SPTLC2: variants seen among roughly 807,000 people sequenced by gnomAD.
SPTLC2 encodes the protein serine palmitoyltransferase long chain base subunit 2.
SPTLC2 carries 21 observed loss-of-function variants against 62.0 expected under a neutral mutation model. That is an observed-to-expected ratio of 0.34 (90% CI 0.24 to 0.49). The LOEUF is 0.49. SPTLC2 is among the 20% of genes least tolerant of loss of function. The pLI is 0.99. For synonymous variants in SPTLC2, 261 were observed against 261.8 expected (o/e 1.00, Z 0.03); for missense variants, 511 against 713.0 (o/e 0.72, Z 3.23).
chr14:77,540,384 C>A (rs141917105), intron 9 of SPTLC2, among the ~76,000 whole-genome samples: 58 of 152,208 alleles, frequency 3.8e-4, no homozygotes, highest in African/African-American at 1.3e-3. Flanking sequence ...TGTGCATATG[C>A]AGGAAGAGGA....
At chr14:77,517,162 G>C (rs1275648296) in intron 11 of SPTLC2, among the ~76,000 whole-genome samples, 3 of 152,138 alleles carry the variant, frequency 2.0e-5, no homozygotes. Flanking sequence ...AGAATTGCTT[G>C]AACCCAGGAG....
intron 2 of SPTLC2, among the ~76,000 whole-genome samples, chr14:77,584,049 A>C (rs2079768125): frequency 6.6e-6 from 1 of 152,232 alleles, no homozygotes; most frequent in African/African-American, 2.4e-5. Flanking sequence ...AGAACAACTC[A>C]AACTCTTGGA....
At position 77,597,258 on chromosome 14, in the gene SPTLC2, T is replaced by A. The variant is rs771876630; in HGVS notation, c.255A>T (p.Gly85=). Residue 85 remains glycine (G), a synonymous_variant, in exon 2 of 12, where the codon GGA becomes GGT. Coordinates refer to ENST00000216484, the MANE Select transcript of SPTLC2 (RefSeq NM_004863.4). Reference sequence around the variant, plus strand: ...AATACCTCAAGAAATCTCGAAGATATCCAAAGAGGGTGAGTACGCCATACC... The same window carrying A: ...AATACCTCAAGAAATCTCGAAGATAACCAAAGAGGGTGAGTACGCCATACC... ...YVGYGVLTLF[G]YLRDFLRYWR... is the part of the protein sequence containing the mutation. 7 of 1,614,034 alleles carry A rather than the reference T, an allele frequency of 4.3e-6. No homozygotes were observed. Among genetic ancestry groups the A allele is most frequent in the African/African-American group, 1.3e-5 (1 of 74,900 alleles).
At chr14:77,516,232 TC>T (rs1392631415) in intron 11 of SPTLC2, among the ~76,000 whole-genome samples, 1 of 152,154 alleles carries the variant, frequency 6.6e-6, no homozygotes, top group African/African-American at 2.4e-5. Flanking sequence ...CAACAATCCC[TC>T]AAGAGAATCT....
chr14:77,611,736 G>C (rs2079939005), intron 1 of SPTLC2, among the ~76,000 whole-genome samples: 1 of 151,706 alleles, frequency 6.6e-6, no homozygotes, highest in South Asian at 2.1e-4. Flanking sequence ...TGAGGCTGGA[G>C]AATCGCTTGA....
Position 77,597,181 on chromosome 14 carries a change from G to C in SPTLC2, c.327+5C>G, listed in dbSNP as rs1385358452. ...TTACAGAATCAAAAACTCTCTAACA[G>C]TTACCTTTTGTTCTTCTCTTTCTGT... On this transcript the variant is annotated splice_donor_5th_base_variant and intron_variant, in intron 2 of 11. Transcript: ENST00000216484. 9.3e-6 allele frequency: 15 copies of C among 1,613,748 alleles called. No individual in the cohort carries two copies. The highest frequency in any genetic ancestry group is 1.2e-5 in the Non-Finnish European group (14 of 1,179,778).
chr14:77,564,071 G>A (rs567893921), intron 5 of SPTLC2, among the ~76,000 whole-genome samples: 113 of 151,874 alleles, frequency 7.4e-4, no homozygotes, highest in African/African-American at 2.6e-3. Flanking sequence ...GGCCAACATG[G>A]CAAAACCCCA....
At chr14:77,526,517 T>C (rs1215930585) in intron 9 of SPTLC2, among the ~76,000 whole-genome samples, 2 of 152,212 alleles carry the variant, frequency 1.3e-5, no homozygotes, top group Non-Finnish European at 2.9e-5. Context: ...TACTGACTCT[T>C]GAATTTTACA....
At chr14:77,605,790 A>C (rs1332665541) in intron 1 of SPTLC2, among the ~76,000 whole-genome samples, 1 of 152,232 alleles carries the variant, frequency 6.6e-6, no homozygotes, top group Non-Finnish European at 1.5e-5. Context: ...TAGAAAACCA[A>C]AGTGAAATTA....
At chr14:77,596,871 CCA>C (rs768554301) in intron 2 of SPTLC2, among the ~76,000 whole-genome samples, 1 of 152,216 alleles carries the variant, frequency 6.6e-6, no homozygotes, top group Non-Finnish European at 1.5e-5. Flanking sequence ...AGTCCTCTGT[CCA>C]CACAGCAGCT....
At chr14:77,541,370 T>C (rs889894091) in intron 9 of SPTLC2, among the ~76,000 whole-genome samples, 3 of 152,160 alleles carry the variant, frequency 2.0e-5, no homozygotes, top group Non-Finnish European at 2.9e-5. Flanking sequence ...AACAAACTAA[T>C]TCTTACCAAA....
At chr14:77,571,285 C>T (rs2079681010) in intron 4 of SPTLC2, among the ~76,000 whole-genome samples, 1 of 152,012 alleles carries the variant, frequency 6.6e-6, no homozygotes, top group Non-Finnish European at 1.5e-5. Flanking sequence ...CCAAGGAGGG[C>T]GGATCACCTA....
chr14:77,532,028 T>A (rs571026550), intron 9 of SPTLC2, among the ~76,000 whole-genome samples: 1 of 152,338 alleles, frequency 6.6e-6, no homozygotes, highest in Non-Finnish European at 1.5e-5. Flanking sequence ...TACAGCCAAC[T>A]ATTATTTAAT....
intron 9 of SPTLC2, among the ~76,000 whole-genome samples, chr14:77,548,046 CTT>C (rs1351905856): frequency 6.6e-6 from 1 of 152,078 alleles, no homozygotes; most frequent in Non-Finnish European, 1.5e-5. Context: ...TCAGGGTAGT[CTT>C]TTTTCTCCTA....
At chr14:77,528,978 G>A (rs375967008) in intron 9 of SPTLC2, among the ~76,000 whole-genome samples, 1 of 152,170 alleles carries the variant, frequency 6.6e-6, no homozygotes, top group African/African-American at 2.4e-5. Context: ...TGAGCTTACA[G>A]GCGCCCGCCA....
At chr14:77,539,749 C>A (rs1362099663) in intron 9 of SPTLC2, among the ~76,000 whole-genome samples, 1 of 151,946 alleles carries the variant, frequency 6.6e-6, no homozygotes, top group East Asian at 1.9e-4. Context: ...CTTGGCCTTC[C>A]AAAGTGCTGG....
At chr14:77,616,028 G>C (rs1239585342) in intron 1 of SPTLC2, among the ~76,000 whole-genome samples, 1 of 152,204 alleles carries the variant, frequency 6.6e-6, no homozygotes, top group Non-Finnish European at 1.5e-5. Flanking sequence ...CCCATGGGTG[G>C]TTTTCTTTGG....
rs2079323060 is a variant in SPTLC2, at chr14:77,509,757, A to C, written c.*2527T>G. 2.5e-6 allele frequency: 1 copy of C among 396,812 alleles called. No individual in the cohort carries two copies. Among genetic ancestry groups the C allele is most frequent in the Admixed American group, 4.4e-5 (1 of 22,694 alleles). 24.6% of individuals were successfully genotyped at this position (396,812 alleles called of 1,614,324 possible). A position where few individuals can be genotyped will look rare whatever the true frequency, so the allele number is the denominator to read the frequency against. On this transcript the variant is annotated 3_prime_UTR_variant, in exon 12 of 12. Transcript: ENST00000216484. ...AAGAAGAGACAACCAACCATGTATA[A>C]TGTCTACATAACATTTTGTTCTTTA...
intron 6 of SPTLC2, among the ~76,000 whole-genome samples, chr14:77,562,137 A>C (rs534203686): frequency 6.6e-6 from 1 of 152,352 alleles, no homozygotes; most frequent in South Asian, 2.1e-4. Context: ...TCATCGAGTA[A>C]ATGTATTTGA....
Sources: gnomAD v4.1 joint callset for allele counts (sites outside exome capture counted in the v4.1 genomes callset) on GRCh38, gnomAD v4.1.1 for gene constraint, MANE v1.5 for transcripts, NCBI Gene and HGNC (gene_info 2026-07-23, HGNC 2026-07-21) for gene names.